The following AFF3 variants were observed in gnomAD, a reference collection of about 807,000 sequenced individuals.
The protein encoded by AFF3 is ALF transcription elongation factor 3, also known as AF4/FMR2 family member 3.
AFF3 carries 32 observed loss-of-function variants against 129.7 expected under a neutral mutation model. The ratio of observed to expected loss-of-function variants is 0.25; its 90% CI spans 0.19 to 0.33. The LOEUF (loss-of-function observed/expected upper bound fraction) is 0.33. AFF3 is among the 10% of genes least tolerant of loss of function. The pLI is 1.00. For synonymous variants in AFF3, 644 were observed against 635.4 expected, an observed-to-expected ratio of 1.01 and a Z score of -0.20; for missense variants, 1,373 against 1,592.0, an observed-to-expected ratio of 0.86 and a Z score of 2.34.
intron 7 of AFF3, among the ~76,000 whole-genome samples, chr2:100,005,272 C>A (rs921032344): frequency 6.6e-6 from 1 of 152,144 alleles, no homozygotes; most frequent in Non-Finnish European, 1.5e-5. Flanking sequence ...GTTTTATGAA[C>A]TCACTGAATT....
intron 1 of AFF3, among the ~76,000 whole-genome samples, chr2:100,139,215 C>A (rs888102641): frequency 6.6e-6 from 1 of 152,174 alleles, no homozygotes; most frequent in African/African-American, 2.4e-5. Context: ...TTTGCCCTTT[C>A]TCTCTTCATT....
chr2:100,011,658 A>G, intron 4 of AFF3: 1 of 759,582 alleles, frequency 1.3e-6, no homozygotes, highest in South Asian at 1.4e-5. Context: ...GTCTGTCAGC[A>G]TATTTTCCAG....
At chr2:99,677,717 G>C (rs1028396557) in intron 11 of AFF3, among the ~76,000 whole-genome samples, 1 of 152,194 alleles carries the variant, frequency 6.6e-6, no homozygotes, top group African/African-American at 2.4e-5. Flanking sequence ...TTTGCAGTTT[G>C]CCGAGCACTA....
chr2:99,688,984 C>T (rs527591988), intron 11 of AFF3, among the ~76,000 whole-genome samples: 22 of 152,326 alleles, frequency 1.4e-4, no homozygotes, highest in South Asian at 1.2e-3. Flanking sequence ...TGGAATCCAA[C>T]GAGCACCCAC....
intron 11 of AFF3, among the ~76,000 whole-genome samples, chr2:99,724,456 A>G: frequency 6.6e-6 from 1 of 151,346 alleles, no homozygotes; most frequent in East Asian, 1.9e-4. Context: ...TGTTTTTAGT[A>G]GAGGTGGGGT....
chr2:99,565,760 T>C, intron 19 of AFF3, 137 bp from the exon 20 acceptor site: 1 of 982,146 alleles, frequency 1.0e-6, no homozygotes, highest in Non-Finnish European at 1.5e-6. Context: ...AAGAAAGAAA[T>C]AGAATACTTC....
Position 99,599,088 on chromosome 2 carries a change from C to T in AFF3, c.1371+2347G>A, listed in dbSNP as rs573145009. 5.3e-5 allele frequency among the ~76,000 whole-genome samples: 8 copies of T among 152,338 alleles called. No individual in the cohort carries two copies. In the South Asian group the frequency reaches 1.7e-3, roughly 32 times the overall value. Reference sequence around the variant, plus strand: ...AGGTGACTTAAACTTTTAGGACTGACTCCTTTAGGAGGCTCTTGCCCCTCT... The same window carrying T: ...AGGTGACTTAAACTTTTAGGACTGATTCCTTTAGGAGGCTCTTGCCCCTCT... On this transcript the variant is annotated intron_variant, in intron 14 of 24. Coordinates refer to ENST00000672756, the MANE Select transcript of AFF3 (RefSeq NM_001386135.1).
chr2:99,772,325 G>T (rs1242142089), intron 8 of AFF3, among the ~76,000 whole-genome samples: 3 of 152,124 alleles, frequency 2.0e-5, no homozygotes, highest in Admixed American at 2.0e-4. Context: ...CCTGTGAGAA[G>T]AACTGTGATA....
At chr2:99,628,298 C>G (rs1682790122) in intron 13 of AFF3, among the ~76,000 whole-genome samples, 1 of 152,036 alleles carries the variant, frequency 6.6e-6, no homozygotes, top group South Asian at 2.1e-4. Flanking sequence ...AGCTGTATTC[C>G]TAGGCATTTT....
intron 8 of AFF3, among the ~76,000 whole-genome samples, chr2:99,769,994 C>T (rs1671108657): frequency 6.6e-6 from 1 of 152,188 alleles, no homozygotes; most frequent in East Asian, 1.9e-4. Context: ...TCCCTGGCTA[C>T]AGCCTGTATT....
chr2:100,005,433 C>T (rs1051188920), intron 7 of AFF3, among the ~76,000 whole-genome samples: 2 of 152,128 alleles, frequency 1.3e-5, no homozygotes, highest in African/African-American at 4.8e-5. Flanking sequence ...CAAAGATATG[C>T]CGGAATTTAT....
chr2:99,891,023 C>A (rs1693510218), intron 7 of AFF3, among the ~76,000 whole-genome samples: 1 of 152,278 alleles, frequency 6.6e-6, no homozygotes. Context: ...AGGGGACATG[C>A]CACACACGGT....
Position 99,956,500 on chromosome 2 carries a change from T to C in AFF3, c.873+50132A>G, listed in dbSNP as rs113175282. ...AGCATAAGCTGACTGACACAAAGCC[T>C]AACATCCAGTTTTTACAAGCAAGTT... On this transcript the variant is annotated intron_variant, in intron 7 of 24. Coordinates refer to ENST00000672756, the MANE Select transcript of AFF3 (RefSeq NM_001386135.1). 1.9e-3 allele frequency among the ~76,000 whole-genome samples: 288 copies of C among 152,328 alleles called. 1 individual carries two copies. The highest frequency in any genetic ancestry group is 3.3e-3 in the South Asian group (16 of 4,826).
At chr2:100,111,589 G>A (rs896034028) in intron 2 of AFF3, among the ~76,000 whole-genome samples, 2 of 152,140 alleles carry the variant, frequency 1.3e-5, no homozygotes, top group African/African-American at 2.4e-5. Context: ...AACAGTGTAG[G>A]AATAATAATA....
At chr2:100,127,750 TAG>T (rs1692258118) in intron 2 of AFF3, among the ~76,000 whole-genome samples, 1 of 152,260 alleles carries the variant, frequency 6.6e-6, no homozygotes, top group South Asian at 2.1e-4. Flanking sequence ...ACGGAGTAGG[TAG>T]ATCTTCAACC....
At position 100,107,394 on chromosome 2, in the gene AFF3, A is replaced by G. The variant is rs982343320; in HGVS notation, c.-144-1811T>C. 4 of 985,350 alleles carry G rather than the reference A, an allele frequency of 4.1e-6. No homozygotes were observed. The Admixed American group carries it at 1.8e-4, about 45-fold the overall frequency. 61.0% of individuals were successfully genotyped at this position (985,350 alleles called of 1,614,324 possible). ...GTTGTCAAAATTTTAACTCCTTAAT[A>G]CAAAGCAAAAAAAGGGTTTGGACTT... On this transcript the variant is annotated intron_variant, in intron 2 of 24. Coordinates refer to ENST00000672756, the MANE Select transcript of AFF3 (RefSeq NM_001386135.1).
At chr2:100,064,068 A>C (rs1687516208) in intron 4 of AFF3, among the ~76,000 whole-genome samples, 1 of 151,466 alleles carries the variant, frequency 6.6e-6, no homozygotes. Context: ...CAGCCTGGGC[A>C]ACAAGAACAA....
In AFF3 at chr2:99,550,018, G is replaced by A. The variant is rs1029325788; in HGVS notation, c.*1456C>T. On this transcript the variant is annotated 3_prime_UTR_variant, in exon 25 of 25. Transcript: ENST00000672756. ...CAAGGACATTATTTTTGTTTTTAACGTGTGGCAAGATAGACCCTCTTTTTC... is the reference window on the plus strand; with the variant it reads ...CAAGGACATTATTTTTGTTTTTAACATGTGGCAAGATAGACCCTCTTTTTC... 7 of 225,666 alleles carry A rather than the reference G, an allele frequency of 3.1e-5. No individual in the cohort carries two copies. The highest frequency in any genetic ancestry group is 1.1e-4 in the African/African-American group (5 of 44,870). The allele number at this position is 225,666 out of a possible 1,614,324, so 14.0% of individuals were successfully genotyped here. A position where few individuals can be genotyped will look rare whatever the true frequency, so the allele number is the denominator to read the frequency against.
At chr2:99,886,853 TCTTA>T (rs1280637247) in intron 7 of AFF3, among the ~76,000 whole-genome samples, 1 of 152,242 alleles carries the variant, frequency 6.6e-6, no homozygotes, top group Non-Finnish European at 1.5e-5. Context: ...TAGGATACTT[TCTTA>T]AAGTTTTATT....
Sources: allele counts gnomAD v4.1 joint callset (sites outside exome capture counted in the v4.1 genomes callset), GRCh38; gene constraint gnomAD v4.1.1; transcripts MANE v1.5; gene names NCBI Gene and HGNC (gene_info 2026-07-23, HGNC 2026-07-21).